The following UNC5C variants were observed in gnomAD, a reference collection of about 807,000 sequenced individuals.
UNC5C encodes the protein unc-5 netrin receptor C.
Under a neutral mutation model 99.8 loss-of-function variants are expected in UNC5C, and 47 were observed. That is an observed-to-expected ratio of 0.47 (90% confidence interval 0.37 to 0.60). The LOEUF (loss-of-function observed/expected upper bound fraction) is 0.60, where lower values mean the gene tolerates loss of function less well. Ranked by LOEUF, UNC5C falls within the 20% of genes least tolerant of loss-of-function variation. The pLI, the probability that UNC5C is intolerant of heterozygous loss-of-function variation, is 0.00. For synonymous variants in UNC5C, 487 were observed against 452.2 expected, an observed-to-expected ratio of 1.08 and a Z score of -0.98; for missense variants, 1,062 against 1,165.9, an observed-to-expected ratio of 0.91 and a Z score of 1.30.
chr4:95,487,299 TAA>T (rs1404071480), intron 1 of UNC5C, among the ~76,000 whole-genome samples: 3 of 151,732 alleles, frequency 2.0e-5, no homozygotes, highest in Non-Finnish European at 4.4e-5. Flanking sequence ...AAGGAGTGCA[TAA>T]ATAGTTATCT....
At chr4:95,477,939 C>T (rs565699818) in intron 1 of UNC5C, among the ~76,000 whole-genome samples, 120 of 152,054 alleles carry the variant, frequency 7.9e-4, no homozygotes, top group Non-Finnish European at 1.4e-3. Flanking sequence ...ATTAATAGTA[C>T]CTACTTTACA....
chr4:95,482,085 A>G lies in UNC5C; in HGVS notation c.124+66649T>C, dbSNP rs1162561524. Reference sequence around the variant, plus strand: ...AGTGAACAGGCAACCTACAAAATGGAAGAAAATTTTTGCAACCTACTCATC... The same window carrying G: ...AGTGAACAGGCAACCTACAAAATGGGAGAAAATTTTTGCAACCTACTCATC... On this transcript the variant is annotated intron_variant, in intron 1 of 15. Coordinates refer to ENST00000453304, the MANE Select transcript of UNC5C (RefSeq NM_003728.4). 4.1e-3 allele frequency among the ~76,000 whole-genome samples: 626 copies of G among 152,174 alleles called. 6 individuals are homozygous for G. The highest frequency in any genetic ancestry group is 0.014 in the African/African-American group (596 of 41,526).
At chr4:95,175,671 T>C (rs1736311192) in intron 14 of UNC5C, among the ~76,000 whole-genome samples, 1 of 152,188 alleles carries the variant, frequency 6.6e-6, no homozygotes, top group Admixed American at 6.5e-5. Context: ...CTGGCTGCCC[T>C]TAACATTTTT....
intron 1 of UNC5C, among the ~76,000 whole-genome samples, chr4:95,452,782 T>C (rs1171328732): frequency 6.6e-6 from 1 of 152,138 alleles, no homozygotes; most frequent in African/African-American, 2.4e-5. Flanking sequence ...GGGGAGGCTT[T>C]TGTTTACCAT....
At chr4:95,213,807 T>A (rs987700013) in intron 10 of UNC5C, among the ~76,000 whole-genome samples, 2 of 152,202 alleles carry the variant, frequency 1.3e-5, no homozygotes, top group East Asian at 3.8e-4. Context: ...TCTTGTATCA[T>A]GTGTGGATAG....
Position 95,370,584 on chromosome 4 carries a change from A to G in UNC5C, c.125-34953T>C, listed in dbSNP as rs373362821. On this transcript the variant is annotated intron_variant, in intron 1 of 15. Transcript: ENST00000453304. ...GAAAAGTAGAGCCTACATGAAAAGA[A>G]AGGTTTATTTGTACTCATTTTCAGC... 1.6e-4 allele frequency among the ~76,000 whole-genome samples: 25 copies of G among 152,314 alleles called. No homozygotes were observed. The South Asian group carries it at 4.6e-3, about 28-fold the overall frequency.
chr4:95,315,130 T>TA (rs1742424821), intron 2 of UNC5C, among the ~76,000 whole-genome samples: 1 of 152,186 alleles, frequency 6.6e-6, no homozygotes, highest in Admixed American at 6.5e-5. Flanking sequence ...ACTTTATAAG[T>TA]ATTTTTTTCA....
intron 12 of UNC5C, 125 bp downstream of exon 12, chr4:95,202,605 TG>T: frequency 1.1e-6 from 1 of 879,274 alleles, no homozygotes; most frequent in African/African-American, 1.7e-5. Context: ...TGCATCCTTT[TG>T]GGCCAAACAC....
chr4:95,488,746 G>C (rs1294398343), intron 1 of UNC5C, among the ~76,000 whole-genome samples: 2 of 151,516 alleles, frequency 1.3e-5, no homozygotes, highest in African/African-American at 4.8e-5. Context: ...GGGACCATCT[G>C]AGAATAGTTC....
At chr4:95,285,917 T>C (rs1741218043) in intron 3 of UNC5C, among the ~76,000 whole-genome samples, 2 of 152,066 alleles carry the variant, frequency 1.3e-5, no homozygotes. Context: ...GAGAACAAGG[T>C]TTTGGCATAC....
intron 1 of UNC5C, among the ~76,000 whole-genome samples, chr4:95,532,877 T>C (rs1409455021): frequency 6.8e-6 from 1 of 146,806 alleles, no homozygotes; most frequent in South Asian, 2.2e-4. Flanking sequence ...GATGTTCAGA[T>C]CATATTCTAA....
At chr4:95,248,550 A>G (rs1158765351) in intron 5 of UNC5C, 7 of 455,686 alleles carry the variant, frequency 1.5e-5, no homozygotes, top group African/African-American at 1.4e-4. Context: ...TCAGCTGAAA[A>G]TCTCCTCTCC....
At chr4:95,184,600 C>T (rs1355601449) in intron 13 of UNC5C, among the ~76,000 whole-genome samples, 2 of 152,094 alleles carry the variant, frequency 1.3e-5, no homozygotes, top group Non-Finnish European at 2.9e-5. Context: ...TTGGGTTTTA[C>T]TTTTACATGC....
At chr4:95,465,860 C>G (rs6846230) in intron 1 of UNC5C, among the ~76,000 whole-genome samples, 2,817 of 152,186 alleles carry the variant, frequency 0.019, 84 homozygotes, top group African/African-American at 0.064. Context: ...CACTCCTGCC[C>G]GGGCCTTGGA....
intron 1 of UNC5C, among the ~76,000 whole-genome samples, chr4:95,544,132 A>G (rs1365303408): frequency 1.3e-5 from 2 of 152,334 alleles, no homozygotes; most frequent in South Asian, 2.1e-4. Flanking sequence ...CCTGTAGTAT[A>G]TATTATCCTC....
intron 1 of UNC5C, among the ~76,000 whole-genome samples, chr4:95,545,545 T>C (rs888030349): frequency 3.3e-5 from 5 of 151,138 alleles, no homozygotes; most frequent in African/African-American, 7.4e-5. Flanking sequence ...GGAAGACATA[T>C]GTTATTTAAA....
intron 1 of UNC5C, among the ~76,000 whole-genome samples, chr4:95,507,433 C>CT (rs1721954463): frequency 6.6e-6 from 1 of 151,878 alleles, no homozygotes; most frequent in Non-Finnish European, 1.5e-5. Flanking sequence ...CTTTTTTGTC[C>CT]TTTTTTACAG....
chr4:95,536,082 A>ATATATATATATATATTTT (rs1180330785), intron 1 of UNC5C, among the ~76,000 whole-genome samples: 2 of 78,454 alleles, frequency 2.5e-5, no homozygotes, highest in East Asian at 5.7e-4. Context: ...ATATATATAT[A>ATATATATATATATATTTT]TTTTTTTTTT....
intron 12 of UNC5C, among the ~76,000 whole-genome samples, chr4:95,199,098 G>C (rs1356981680): frequency 6.6e-6 from 1 of 152,136 alleles, no homozygotes; most frequent in African/African-American, 2.4e-5. Flanking sequence ...ATGAGCGTGA[G>C]TCAGGATGGG....
Sources: gnomAD v4.1 joint callset for allele counts (sites outside exome capture counted in the v4.1 genomes callset) on GRCh38, gnomAD v4.1.1 for gene constraint, MANE v1.5 for transcripts, NCBI Gene and HGNC (gene_info 2026-07-23, HGNC 2026-07-21) for gene names.